Variants in FKBP8 observed in about 807,000 individuals in gnomAD.
The protein encoded by FKBP8 is FKBP prolyl isomerase 8.
FKBP8 carries 5 observed loss-of-function variants against 41.7 expected under a neutral mutation model. The observed-to-expected ratio is 0.12, with a 90% CI of 0.06 to 0.25. FKBP8 has a LOEUF of 0.25. Ranked by LOEUF, FKBP8 falls within the 10% of genes least tolerant of loss-of-function variation. The pLI is 1.00. For synonymous variants in FKBP8, 279 were observed against 254.5 expected (o/e 1.10, Z -0.92); for missense variants, 397 against 563.0 (o/e 0.71, Z 2.98).
chr19:18,539,297 G>A (rs544770069), intron 4 of FKBP8, 74 bp downstream of exon 4: 2 of 1,333,282 alleles, frequency 1.5e-6, no homozygotes, highest in African/African-American at 1.5e-5. Flanking sequence ...TAGATGGGGT[G>A]AGCCGAGGGG....
intron 6 of FKBP8, among the ~76,000 whole-genome samples, chr19:18,534,312 C>A (rs1444156075): frequency 1.3e-5 from 2 of 151,756 alleles, no homozygotes; most frequent in African/African-American, 2.4e-5. Flanking sequence ...GTCTCAAAAA[C>A]AAACAAACAA....
Position 18,533,306 on chromosome 19 carries a change from G to T in FKBP8, c.987C>A (p.Ile329=). 6.2e-7 allele frequency: 1 copy of T among 1,605,308 alleles called. No individual in the cohort carries two copies. The highest frequency in any genetic ancestry group is 8.5e-7 in the Non-Finnish European group (1 of 1,176,062). The part of the protein sequence containing the change: ...QQGEYSEAIP[I]LRAALKLEPS... ...GTTCCAGCTTCAGGGCTGCCCTCAG[G>T]ATGGGGATGGCCTCACTGTACTCCC... is the stretch of plus-strand genomic sequence containing the variant. The change falls in exon 7 of 9, where the codon ATC becomes ATA. Residue 329 remains isoleucine (I), a synonymous_variant. Coordinates refer to ENST00000608443, the MANE Select transcript of FKBP8 (RefSeq NM_012181.5).
At position 18,538,102 on chromosome 19, in the gene FKBP8, A is replaced by G; in HGVS notation, c.772+114T>C. 1 of 1,159,834 alleles carries G rather than the reference A, an allele frequency of 8.6e-7. No individual in the cohort carries two copies. The allele number at this position is 1,159,834 out of a possible 1,614,324, so 71.8% of individuals were successfully genotyped here. The stretch of plus-strand genomic sequence containing the variant: ...TAGGGGCAGTTGGGGATCTACCCAT[A>G]TTCTGGGCTATTCTAGAATATTCTG... On this transcript the variant is annotated intron_variant, in intron 5 of 8. Coordinates refer to ENST00000608443, the MANE Select transcript of FKBP8 (RefSeq NM_012181.5). This position sits in a 1 kb window ranked among gnomAD's most constrained non-coding sequence, Gnocchi z 4.0.
chr19:18,532,286 G>A (rs1160518048), intron 8 of FKBP8, 31 bp from the exon 9 acceptor site: 4 of 1,571,990 alleles, frequency 2.5e-6, no homozygotes, highest in Non-Finnish European at 3.5e-6. Flanking sequence ...AGAGAAGGGT[G>A]GAGGGAGGTC....
rs981963306 is a variant in FKBP8, at chr19:18,531,818, G to A, written c.*351C>T. On this transcript the variant is annotated 3_prime_UTR_variant, in exon 9 of 9. Coordinates refer to ENST00000608443, the MANE Select transcript of FKBP8 (RefSeq NM_012181.5). ...CGGGGAGGGAACCTGGACAGGGGGC[G>A]GCAGGCGGGGTGGGGGGCTGGCACT... The A allele has an allele frequency of 5.6e-4, 156 of 278,856 alleles. 1 individual carries two copies. The highest frequency in any genetic ancestry group is 1.2e-3 in the Middle Eastern group (1 of 856). The allele number at this position is 278,856 out of a possible 1,614,324, so 17.3% of individuals were successfully genotyped here. A position where few individuals can be genotyped will look rare whatever the true frequency, so the allele number is the denominator to read the frequency against.
intron 7 of FKBP8, 154 bp from the exon 8 acceptor site, chr19:18,532,949 C>T: frequency 7.9e-7 from 1 of 1,259,338 alleles, no homozygotes; most frequent in East Asian, 2.5e-5. Context: ...GTCAGGGCTG[C>T]TGACCCCATC....
chr19:18,539,279 TG>T, intron 4 of FKBP8, 91 bp downstream of exon 4: 1 of 1,146,974 alleles, frequency 8.7e-7, no homozygotes, highest in Non-Finnish European at 1.3e-6. Context: ...GTCTATAAAA[TG>T]GGCAAGTAGA....
rs776165734 is a variant in FKBP8, at chr19:18,538,273, C to G, written c.715G>C (p.Val239Leu). 1.2e-6 allele frequency: 2 copies of G among 1,613,346 alleles called. No homozygotes were observed. The highest frequency in any genetic ancestry group is 1.7e-6 in the Non-Finnish European group (2 of 1,179,794). Residue 239 changes from valine (V) to leucine (L), a missense_variant, in exon 5 of 9, where the codon GTC (valine) becomes CTC (leucine). Val to Leu is a conservative substitution (Grantham distance 32). Coordinates refer to ENST00000608443, the MANE Select transcript of FKBP8 (RefSeq NM_012181.5). This position sits in a 1 kb window ranked among gnomAD's most constrained non-coding sequence, Gnocchi z 4.0. ...GNAHYQRADF[V>L]LAANSYDLAI... ...AGGTCGTAGGAGTTGGCGGCCAGGA[C>G]GAAGTCCGCCCGCTGGTAGTGGGCG...
intron 6 of FKBP8, among the ~76,000 whole-genome samples, chr19:18,534,706 C>T (rs1295606784): frequency 6.6e-6 from 1 of 152,020 alleles, no homozygotes; most frequent in Non-Finnish European, 1.5e-5. Flanking sequence ...CTCAGCCTCC[C>T]GAGGAGCTGG....
At chr19:18,534,973 CA>C (rs1299055251) in intron 6 of FKBP8, among the ~76,000 whole-genome samples, 2 of 151,966 alleles carry the variant, frequency 1.3e-5, no homozygotes, top group Non-Finnish European at 2.9e-5. Flanking sequence ...TTAGTAGAGA[CA>C]GGGTTTTACC....
chr19:18,533,238 A>G (rs765027585), intron 7 of FKBP8, 32 bp downstream of exon 7: 14 of 1,531,752 alleles, frequency 9.1e-6, no homozygotes, highest in Non-Finnish European at 1.2e-5. Context: ...TTCCCAGCCG[A>G]GCAAGTCCCA....
In FKBP8 at chr19:18,538,045, G is replaced by C; in HGVS notation, c.772+171C>G. ...ATTCTACAACACTCCACTGGTCTGG[G>C]ATATACCACGAGTCTGTAACAGGCC... On this transcript the variant is annotated intron_variant, in intron 5 of 8. Coordinates refer to ENST00000608443, the MANE Select transcript of FKBP8 (RefSeq NM_012181.5). The surrounding 1 kb of genome is among the most constrained non-coding windows in gnomAD (Gnocchi z 4.0). 1 of 754,458 alleles carries C rather than the reference G, an allele frequency of 1.3e-6. No individual in the cohort carries two copies. Among genetic ancestry groups the C allele is most frequent in the South Asian group, 1.8e-5 (1 of 55,220 alleles). 46.7% of individuals were successfully genotyped at this position (754,458 alleles called of 1,614,324 possible).
At chr19:18,535,607 A>G (rs1976554709) in intron 6 of FKBP8, among the ~76,000 whole-genome samples, 1 of 151,894 alleles carries the variant, frequency 6.6e-6, no homozygotes, top group Non-Finnish European at 1.5e-5. Flanking sequence ...CCCCGTCTAT[A>G]CTAAAAATAC....
rs1257801993 is a variant in FKBP8 at position 18,538,684 on chromosome 19, G to A, written c.552-248C>T. On this transcript the variant is annotated intron_variant, in intron 4 of 8. Transcript: ENST00000608443. This position sits in a 1 kb window ranked among gnomAD's most constrained non-coding sequence, Gnocchi z 4.0. Reference sequence around the variant, plus strand: ...TTATTAAGAGACAGGTTCTCACTCTGTTGCCCGGGCTGGAGTGCAGTGGTG... The same window carrying A: ...TTATTAAGAGACAGGTTCTCACTCTATTGCCCGGGCTGGAGTGCAGTGGTG... 6.6e-6 allele frequency among the ~76,000 whole-genome samples: 1 copy of A among 152,012 alleles called. No homozygotes were observed. Among genetic ancestry groups the A allele is most frequent in the Non-Finnish European group, 1.5e-5 (1 of 68,026 alleles).
rs1199200531 is a variant in FKBP8, at chr19:18,537,824, C to A, written c.773-51G>T. On this transcript the variant is annotated intron_variant, in intron 5 of 8. Coordinates refer to ENST00000608443, the MANE Select transcript of FKBP8 (RefSeq NM_012181.5). The surrounding 1 kb of genome is among the most constrained non-coding windows in gnomAD (Gnocchi z 4.4). ...GCAGCCGTCACCATGCCACCAGACACCCCGGCACCCACCCCTCTGCGGAGG... is the reference window on the plus strand; with the variant it reads ...GCAGCCGTCACCATGCCACCAGACAACCCGGCACCCACCCCTCTGCGGAGG... The A allele has an allele frequency of 6.4e-7, 1 of 1,555,104 alleles. No individual in the cohort carries two copies. Among genetic ancestry groups the A allele is most frequent in the South Asian group, 1.2e-5 (1 of 83,320 alleles).
intron 6 of FKBP8, chr19:18,535,896 C>T (rs977342179): frequency 6.6e-6 from 1 of 151,908 alleles, no homozygotes; most frequent in Non-Finnish European, 1.5e-5. Context: ...TGCCTGAAGC[C>T]AGCTAATCCA....
At chr19:18,542,905 G>T in intron 1 of FKBP8, 1 of 1,280,174 alleles carries the variant, frequency 7.8e-7, no homozygotes, top group South Asian at 1.2e-5. Flanking sequence ...CTCCTCCCGG[G>T]CTCGGAGCCC....
intron 6 of FKBP8, among the ~76,000 whole-genome samples, chr19:18,535,172 G>A (rs926923912): frequency 3.3e-5 from 5 of 151,982 alleles, no homozygotes; most frequent in South Asian, 4.2e-4. Context: ...CACCTGCCTC[G>A]GTCTCCCAAA....
At position 18,539,427 on chromosome 19, in the gene FKBP8, C is replaced by T. The variant is rs138912633; in HGVS notation, c.495G>A (p.Val165=). 2 of 1,613,816 alleles carry T rather than the reference C, an allele frequency of 1.2e-6. No homozygotes were observed. The highest frequency in any genetic ancestry group is 2.2e-5 in the East Asian group (1 of 44,884). The change falls in exon 4 of 9, where the codon GTG becomes GTA. Residue 165 remains valine (V), a synonymous_variant. Transcript: ENST00000608443. ...CAGCAGTGACCATGGCCGTCTCCCC[C>T]ACGTCCATGAGTGGGACACTGAGAT... ...ALDLSVPLMD[V]GETAMVTADS...
Sources: allele counts gnomAD v4.1 joint callset (sites outside exome capture counted in the v4.1 genomes callset), GRCh38; gene constraint gnomAD v4.1.1; non-coding constraint Gnocchi (gnomAD v3.1); transcripts MANE v1.5; gene names NCBI Gene and HGNC (gene_info 2026-07-23, HGNC 2026-07-21).